Variants in NFASC observed in about 807,000 individuals in gnomAD.
NFASC encodes the protein neurofascin homolog.
NFASC carries 43 observed loss-of-function variants against 147.5 expected under a neutral mutation model. The ratio of observed to expected loss-of-function variants is 0.29; its 90% confidence interval spans 0.23 to 0.38. The LOEUF (loss-of-function observed/expected upper bound fraction) is 0.38, where lower values mean the gene tolerates loss of function less well. NFASC is among the 10% of genes least tolerant of loss of function. NFASC has a pLI of 1.00. For synonymous variants in NFASC, 622 were observed against 665.5 expected (o/e 0.93, Z 1.01); for missense variants, 1,320 against 1,689.0 (o/e 0.78, Z 3.83).
intron 1 of NFASC, among the ~76,000 whole-genome samples, chr1:204,839,534 C>T (rs896925536): frequency 3.7e-4 from 56 of 152,286 alleles, no homozygotes; most frequent in African/African-American, 1.3e-3. Flanking sequence ...CAGGGATTCC[C>T]TCCTTCATGA....
rs141244761 is a variant in NFASC, at chr1:204,962,548, A to G, written c.706+4722A>G. Among the ~76,000 whole-genome samples the G allele has an allele frequency of 3.3e-5, 5 of 152,356 alleles. No homozygotes were observed. In the East Asian group the frequency reaches 5.8e-4, roughly 18 times the overall value. ...AGAGAAAACAGGAAGTCTGGTTCCT[A>G]TTGGTAGTTGAAAGAACACAGAAAG... On this transcript the variant is annotated intron_variant, in intron 8 of 29. Transcript: ENST00000339876.
intron 1 of NFASC, among the ~76,000 whole-genome samples, chr1:204,861,573 T>G (rs903202549): frequency 2.0e-5 from 3 of 152,182 alleles, no homozygotes; most frequent in African/African-American, 7.2e-5. Flanking sequence ...CACTGCAAGC[T>G]CCGCCTTCAG....
At chr1:204,989,459 A>G (rs954914935) in intron 23 of NFASC, 1 of 153,166 alleles carries the variant, frequency 6.5e-6, no homozygotes, top group Non-Finnish European at 1.5e-5. Context: ...CAGCCCCACC[A>G]GAGCTGCACC....
chr1:204,928,749 C>A (rs183863010), intron 2 of NFASC, among the ~76,000 whole-genome samples: 17 of 152,224 alleles, frequency 1.1e-4, no homozygotes, highest in Admixed American at 7.8e-4. Context: ...GCTTGATAAC[C>A]CAGCTAGTTG....
At chr1:204,912,062 G>C (rs752105413) in intron 1 of NFASC, among the ~76,000 whole-genome samples, 1 of 152,024 alleles carries the variant, frequency 6.6e-6, no homozygotes, top group Non-Finnish European at 1.5e-5. Context: ...CAATTGAAGT[G>C]ATTTTTTCAA....
chr1:204,843,622 TCCTTCCTCCCTC>T lies in NFASC; in HGVS notation c.-200+14844_-200+14855del, dbSNP rs766027311. ...TTCCTTCCTTCCTTCCTTCCTTCCT[TCCTTCCTCCCTC>T]CCTCCCTCCCTCCCTCCCTCCCTTC... is the stretch of plus-strand genomic sequence containing the variant. On this transcript the variant is annotated intron_variant, in intron 1 of 29. Coordinates refer to ENST00000339876, the MANE Select transcript of NFASC (RefSeq NM_001005388.3). 4.1e-4 allele frequency among the ~76,000 whole-genome samples: 33 copies of T among 81,306 alleles called. 1 individual carries two copies. Among genetic ancestry groups the T allele is most frequent in the African/African-American group, 1.7e-3 (28 of 16,776 alleles). The allele number at this position is 81,306 out of a possible 152,430, so 53.3% of individuals were successfully genotyped here.
At chr1:205,014,833 G>A (rs1357247139) in intron 29 of NFASC, among the ~76,000 whole-genome samples, 1 of 152,176 alleles carries the variant, frequency 6.6e-6, no homozygotes, top group Non-Finnish European at 1.5e-5. Context: ...ACATGGGATA[G>A]AGGGCCCTGG....
intron 2 of NFASC, among the ~76,000 whole-genome samples, chr1:204,939,067 T>C (rs898452772): frequency 2.6e-5 from 4 of 151,622 alleles, no homozygotes; most frequent in Non-Finnish European, 5.9e-5. Flanking sequence ...TGTGTGTGTG[T>C]GTGTGTGTGT....
intron 3 of NFASC, among the ~76,000 whole-genome samples, chr1:204,947,371 C>CTTCA (rs1558204084): frequency 6.6e-6 from 1 of 152,216 alleles, no homozygotes; most frequent in Non-Finnish European, 1.5e-5. Context: ...CAGCCCTGGG[C>CTTCA]TGAAGGAAGA....
chr1:204,969,002 CATTATG>C lies in NFASC; in HGVS notation c.1003+27_1003+32del. On this transcript the variant is annotated intron_variant, in intron 10 of 29. Transcript: ENST00000339876. ...TAAAGGGTACGTTGTGTGTATTTAT[CATTATG>C]ATTATGTTGCCAACCCTGAACACCA... The C allele has an allele frequency of 1.9e-6, 3 of 1,601,344 alleles. No individual in the cohort carries two copies. Among genetic ancestry groups the C allele is most frequent in the Non-Finnish European group, 2.6e-6 (3 of 1,171,284 alleles).
chr1:204,861,711 G>A (rs568628001), intron 1 of NFASC, among the ~76,000 whole-genome samples: 7 of 151,742 alleles, frequency 4.6e-5, no homozygotes, highest in African/African-American at 1.2e-4. Context: ...GGATGGTCTC[G>A]ATCTCCTGAC....
At chr1:204,884,446 C>T (rs757062747) in intron 1 of NFASC, among the ~76,000 whole-genome samples, 6 of 151,896 alleles carry the variant, frequency 4.0e-5, no homozygotes, top group East Asian at 1.9e-4. Flanking sequence ...GGAAGGCAGG[C>T]GAGGGAATGG....
chr1:204,984,228 A>G, intron 21 of NFASC: 1 of 850,454 alleles, frequency 1.2e-6, no homozygotes, highest in Non-Finnish European at 2.0e-6. Context: ...AAGATATTTG[A>G]AAGAAACCCT....
At chr1:204,841,833 G>A (rs936021829) in intron 1 of NFASC, among the ~76,000 whole-genome samples, 7 of 152,082 alleles carry the variant, frequency 4.6e-5, no homozygotes, top group African/African-American at 1.4e-4. Flanking sequence ...CCTCCAGTAG[G>A]TTTAGCACTG....
rs200933434 is a variant in NFASC, at chr1:204,926,380, GTATA to G, written c.-91+5664_-91+5667del. Reference sequence around the variant, plus strand: ...AGTCCTTATGTAATTCTTTTTTCATGTATATATATATATATATATATATATATTT... The same window carrying G: ...AGTCCTTATGTAATTCTTTTTTCATGTATATATATATATATATATATATTT... On this transcript the variant is annotated intron_variant, in intron 2 of 29. Coordinates refer to ENST00000339876, the MANE Select transcript of NFASC (RefSeq NM_001005388.3). Among the ~76,000 whole-genome samples the G allele has an allele frequency of 6.7e-3, 323 of 47,872 alleles. 4 individuals carry two copies. The highest frequency in any genetic ancestry group is 0.025 in the African/African-American group (303 of 12,038). The allele number at this position is 47,872 out of a possible 152,430, so 31.4% of individuals were successfully genotyped here.
chr1:204,901,289 A>T (rs1236280762), intron 1 of NFASC, among the ~76,000 whole-genome samples: 1 of 152,166 alleles, frequency 6.6e-6, no homozygotes, highest in Non-Finnish European at 1.5e-5. Context: ...GTGAGTCCAG[A>T]TAAGATCACC....
chr1:205,004,010 A>G (rs10900435), intron 27 of NFASC, among the ~76,000 whole-genome samples: 70,860 of 152,188 alleles, frequency 0.47, 17,216 homozygotes, highest in East Asian at 0.8. Context: ...CTGTCCTGTA[A>G]CAAGGGGAGC....
At chr1:204,928,452 G>A (rs1558132519) in intron 2 of NFASC, among the ~76,000 whole-genome samples, 1 of 152,196 alleles carries the variant, frequency 6.6e-6, no homozygotes, top group Non-Finnish European at 1.5e-5. Flanking sequence ...CTGTAGACCA[G>A]GGACACCTAT....
chr1:204,910,323 G>C (rs773526521), intron 1 of NFASC, among the ~76,000 whole-genome samples: 2 of 152,068 alleles, frequency 1.3e-5, no homozygotes, highest in Non-Finnish European at 2.9e-5. Context: ...TATTTTTATA[G>C]ATTGTAATTT....
Sources: allele counts gnomAD v4.1 joint callset (sites outside exome capture counted in the v4.1 genomes callset), GRCh38; gene constraint gnomAD v4.1.1; transcripts MANE v1.5; gene names NCBI Gene and HGNC (gene_info 2026-07-23, HGNC 2026-07-21).